Variants in TMEM63A observed in about 807,000 individuals in gnomAD.
TMEM63A encodes transmembrane protein 63A.
A neutral mutation model predicts 100.6 loss-of-function variants in TMEM63A; 76 were observed. The ratio of observed to expected loss-of-function variants is 0.76; its 90% CI spans 0.63 to 0.91. The LOEUF (loss-of-function observed/expected upper bound fraction) is 0.91, where lower values mean the gene tolerates loss of function less well. Among genes scored for constraint, TMEM63A ranks in the 40% least tolerant of loss-of-function variants. The probability of loss-of-function intolerance (pLI) is 0.00; values close to 1 mark genes in which losing one functional copy is unlikely to be tolerated. For synonymous variants in TMEM63A, 401 were observed against 401.1 expected (o/e 1.00, Z 0.00); for missense variants, 876 against 1,008.8 (o/e 0.87, Z 1.78).
In TMEM63A at chr1:225,865,938, G is replaced by C. The variant is rs370651830; in HGVS notation, c.705C>G (p.Leu235=). The change falls in exon 10 of 25, where the codon CTC becomes CTG. Residue 235 remains leucine, a synonymous_variant. Coordinates refer to ENST00000366835, the MANE Select transcript of TMEM63A (RefSeq NM_014698.3). The surrounding 1 kb of genome is among the most constrained non-coding windows in gnomAD (Gnocchi z 4.6). ...LVRRTLFITG[L]PRDARKETVE... Reference sequence around the variant, plus strand: ...CAGTCTCCTTCCTGGCATCTCTGGGGAGTCCTGTGATGAACAGGGTCCGCC... The same window carrying C: ...CAGTCTCCTTCCTGGCATCTCTGGGCAGTCCTGTGATGAACAGGGTCCGCC... 29 of 1,613,896 alleles carry C rather than the reference G, an allele frequency of 1.8e-5. No homozygotes were observed. The South Asian group carries it at 2.2e-4, about 12-fold the overall frequency.
Position 225,859,242 on chromosome 1 carries a change from G to A in TMEM63A, c.1331C>T (p.Ser444Phe). The A allele has an allele frequency of 5.0e-6, 8 of 1,614,094 alleles. No homozygotes were observed. Among genetic ancestry groups the A allele is most frequent in the Non-Finnish European group, 6.8e-6 (8 of 1,180,012 alleles). Residue 444 changes from serine (S) to phenylalanine (F), a missense_variant, in exon 15 of 25, where the codon TCC becomes TTC. Around this residue, in one of 5 missense-constraint regions of TMEM63A, gnomAD observed 487 missense variants for 581.9 expected, o/e 0.84. Coordinates refer to ENST00000366835, the MANE Select transcript of TMEM63A (RefSeq NM_014698.3). The stretch of plus-strand genomic sequence containing the variant: ...GGTGACATTAAACTTGTCCATGGTG[G>A]ACAGGATGATGGAGGGTGTGGTCAG... Reference protein sequence around the residue: ...FFLTTPSIILSTMDKFNVTKP... With the variant: ...FFLTTPSIILFTMDKFNVTKP...
chr1:225,867,777 A>T lies in TMEM63A; in HGVS notation c.514+111T>A. 3 of 1,401,908 alleles carry T rather than the reference A, an allele frequency of 2.1e-6. No individual in the cohort carries two copies. The highest frequency in any genetic ancestry group is 2.9e-6 in the Non-Finnish European group (3 of 1,028,656). 86.8% of individuals were successfully genotyped at this position (1,401,908 alleles called of 1,614,324 possible). A position where few individuals can be genotyped will look rare whatever the true frequency, so the allele number is the denominator to read the frequency against. On this transcript the variant is annotated intron_variant, in intron 7 of 24. Coordinates refer to ENST00000366835, the MANE Select transcript of TMEM63A (RefSeq NM_014698.3). The surrounding 1 kb of genome is among the most constrained non-coding windows in gnomAD (Gnocchi z 4.6). ...CAGAGTCACCCTGAGACCATCTTAC[A>T]TCTGAAGTGGGGCATGACTCCTGGG...
intron 6 of TMEM63A, among the ~76,000 whole-genome samples, chr1:225,870,836 CTG>C (rs1670475045): frequency 6.6e-6 from 1 of 152,212 alleles, no homozygotes; most frequent in African/African-American, 2.4e-5. Flanking sequence ...CCAGCAGGCA[CTG>C]TGTGCCCTCC....
chr1:225,875,595 G>A (rs1670741703), intron 3 of TMEM63A, among the ~76,000 whole-genome samples: 1 of 152,232 alleles, frequency 6.6e-6, no homozygotes, highest in Non-Finnish European at 1.5e-5. Context: ...AAAGGCAGGT[G>A]AGTCATGTTG....
At chr1:225,874,241 C>CA in intron 4 of TMEM63A, 47 bp downstream of exon 4, 4 of 1,564,696 alleles carry the variant, frequency 2.6e-6, no homozygotes, top group Non-Finnish European at 3.5e-6. Context: ...TATACACACT[C>CA]ACACGTACGC....
At chr1:225,845,107 G>A (rs572155971), downstream of TMEM63A, 4 of 1,608,106 alleles carry the variant, frequency 2.5e-6, no homozygotes, top group Admixed American at 3.3e-5. Context: ...GGGGCGCAGG[G>A]CCACAGCCTC....
chr1:225,872,089 T>G (rs1213178811), intron 4 of TMEM63A, 36 bp from the exon 5 acceptor site: 1 of 1,488,704 alleles, frequency 6.7e-7, no homozygotes, highest in South Asian at 1.2e-5. Context: ...GACAGATAAT[T>G]CTTAGAAAAA....
At chr1:225,857,381 G>C (rs1392980803) in intron 15 of TMEM63A, among the ~76,000 whole-genome samples, 1 of 1,266 alleles carries the variant, frequency 7.9e-4, no homozygotes, top group Admixed American at 0.011. Context: ...CTGGCCGGCG[G>C]GGCGGGGGGG....
At chr1:225,877,846 G>A (rs533225110) in intron 2 of TMEM63A, among the ~76,000 whole-genome samples, 6 of 152,308 alleles carry the variant, frequency 3.9e-5, no homozygotes, top group African/African-American at 1.4e-4. Flanking sequence ...AGGACACAGT[G>A]GGCAGATCCC....
chr1:225,881,870 C>G (rs1472889001), intron 1 of TMEM63A, among the ~76,000 whole-genome samples: 1 of 149,990 alleles, frequency 6.7e-6, no homozygotes, highest in Non-Finnish European at 1.5e-5. Context: ...AGTGGTCACC[C>G]AGGAACAGCC....
rs1559042533 is a variant in TMEM63A at position 225,862,192 on chromosome 1, A to T, written c.1085+26T>A. On this transcript the variant is annotated intron_variant, in intron 13 of 24. Transcript: ENST00000366835. This position sits in a 1 kb window ranked among gnomAD's most constrained non-coding sequence, Gnocchi z 5.1. ...GAGGGGAACAGGGAGTCAGCCAAGAAGGGGTCTGGATGTGCCTACACTCAC... is the reference window on the plus strand; with the variant it reads ...GAGGGGAACAGGGAGTCAGCCAAGATGGGGTCTGGATGTGCCTACACTCAC... 6.2e-7 allele frequency: 1 copy of T among 1,612,246 alleles called. No individual in the cohort carries two copies. Among genetic ancestry groups the T allele is most frequent in the East Asian group, 2.2e-5 (1 of 44,862 alleles).
In TMEM63A at chr1:225,866,673, GA is replaced by G; in HGVS notation, c.575del (p.Leu192ProfsTer35). 5 of 1,614,090 alleles carry G rather than the reference GA, an allele frequency of 3.1e-6. No homozygotes were observed. Among genetic ancestry groups the G allele is most frequent in the Non-Finnish European group, 4.2e-6 (5 of 1,179,996 alleles). ...TIANLQTDND[L>X]LWLHTIFAVI... ...CAGCAAAGATGGTGTGCAGCCAAAG[GA>G]GGTCATTGCTGAGAGGGAAACCACC... On this transcript the variant is annotated frameshift_variant, in exon 9 of 25. Coordinates refer to ENST00000366835, the MANE Select transcript of TMEM63A (RefSeq NM_014698.3). LOFTEE classifies it high-confidence loss of function.
chr1:225,852,733 C>T lies in TMEM63A; in HGVS notation c.1834G>A (p.Ala612Thr). ...AFQYEFGAMYAWMLCVFTVIV... is the reference protein window; with the variant it reads ...AFQYEFGAMYTWMLCVFTVIV... ...ACAGTGAAGACACACAGCATCCATG[C>T]ATACATGGCTCCAAACTCGTACTGG... Residue 612 changes from alanine to threonine, a missense_variant, in exon 20 of 25, where the codon GCA (alanine) becomes ACA (threonine). Around this residue, in one of 5 missense-constraint regions of TMEM63A, gnomAD observed 339 missense variants for 342.3 expected, o/e 0.99. Coordinates refer to ENST00000366835, the MANE Select transcript of TMEM63A (RefSeq NM_014698.3). 1 of 1,614,076 alleles carries T rather than the reference C, an allele frequency of 6.2e-7. No individual in the cohort carries two copies. Among genetic ancestry groups the T allele is most frequent in the African/African-American group, 1.3e-5 (1 of 75,058 alleles).
chr1:225,870,092 A>G (rs949307226), intron 6 of TMEM63A, among the ~76,000 whole-genome samples: 8 of 152,038 alleles, frequency 5.3e-5, no homozygotes, highest in Admixed American at 4.6e-4. Context: ...GCTCATGCCT[A>G]TAATCCCAGC....
In TMEM63A at chr1:225,853,785, G is replaced by T; in HGVS notation, c.1641C>A (p.Val547=). ...SSEASIRLEC[V]FLPDQGAFFV... ...AGAAGGCACCCTGGTCAGGCAGGAAGACGCACCTGGGGAAACCAGGGCCCA... is the reference window on the plus strand; with the variant it reads ...AGAAGGCACCCTGGTCAGGCAGGAATACGCACCTGGGGAAACCAGGGCCCA... Residue 547 remains valine (V), a synonymous_variant, in exon 19 of 25, where the codon GTC becomes GTA. Coordinates refer to ENST00000366835, the MANE Select transcript of TMEM63A (RefSeq NM_014698.3). This position sits in a 1 kb window ranked among gnomAD's most constrained non-coding sequence, Gnocchi z 4.0. The T allele has an allele frequency of 1.2e-6, 2 of 1,601,612 alleles. No homozygotes were observed. The highest frequency in any genetic ancestry group is 1.7e-6 in the Non-Finnish European group (2 of 1,173,646).
intron 4 of TMEM63A, among the ~76,000 whole-genome samples, chr1:225,873,514 A>G (rs7555845): frequency 0.044 from 6,633 of 152,038 alleles, 443 homozygotes; most frequent in African/African-American, 0.15. Flanking sequence ...CTGAGTTTTC[A>G]TCACTCACTT....
Position 225,859,325 on chromosome 1 carries a change from G to A in TMEM63A, c.1248C>T (p.Leu416=). 1 of 1,614,122 alleles carries A rather than the reference G, an allele frequency of 6.2e-7. No individual in the cohort carries two copies. Among genetic ancestry groups the A allele is most frequent in the Non-Finnish European group, 8.5e-7 (1 of 1,180,042 alleles). ...ICWKNLSIQG[L]RWWLQWLGIN... is the part of the protein sequence containing the mutation. The stretch of plus-strand genomic sequence containing the variant: ...TGCCCAGCCACTGTAGCCACCAGCG[G>A]AGGCCCTGGATAGAGAGGTTCTTCC... Residue 416 remains leucine, a synonymous_variant, in exon 15 of 25, where the codon CTC becomes CTT. Transcript: ENST00000366835.
rs1417356378 is a variant in TMEM63A, at chr1:225,862,917, G to A, written c.747-66C>T. On this transcript the variant is annotated intron_variant, in intron 10 of 24. Transcript: ENST00000366835. This position sits in a 1 kb window ranked among gnomAD's most constrained non-coding sequence, Gnocchi z 5.1. ...AAAGAAAACACCCCAAGCAGGAGAC[G>A]TGCCCACGGATCCAAGGGAAAGGAT... 2.6e-5 allele frequency: 37 copies of A among 1,444,420 alleles called. No homozygotes were observed. The highest frequency in any genetic ancestry group is 3.3e-5 in the Non-Finnish European group (34 of 1,042,078). 89.5% of individuals were successfully genotyped at this position (1,444,420 alleles called of 1,614,324 possible). A position where few individuals can be genotyped will look rare whatever the true frequency, so the allele number is the denominator to read the frequency against.
chr1:225,871,808 C>T, intron 5 of TMEM63A, 179 bp downstream of exon 5: 1 of 586,472 alleles, frequency 1.7e-6, no homozygotes, highest in South Asian at 2.2e-5. Flanking sequence ...TCTCAAGGTC[C>T]CGGGTCATCC....
Sources: gnomAD v4.1 joint callset for allele counts (sites outside exome capture counted in the v4.1 genomes callset) on GRCh38, gnomAD v4.1.1 for gene constraint, gnomAD v4.1.1 regional missense constraint, Gnocchi (gnomAD v3.1) non-coding constraint, MANE v1.5 for transcripts, NCBI Gene and HGNC (gene_info 2026-07-23, HGNC 2026-07-21) for gene names.